MET: variants seen among roughly 807,000 people sequenced by gnomAD.
MET encodes MET proto-oncogene, receptor tyrosine kinase.
Under a neutral mutation model 133.1 loss-of-function variants are expected in MET, and 48 were observed. The ratio of observed to expected loss-of-function variants is 0.36; its 90% CI spans 0.29 to 0.46. The LOEUF (loss-of-function observed/expected upper bound fraction) is 0.46. MET is among the 20% of genes least tolerant of loss of function. The probability of loss-of-function intolerance (pLI) is 1.00; values close to 1 mark genes in which losing one functional copy is unlikely to be tolerated. For missense variants in MET, 1,442 were observed against 1,695.9 expected (o/e 0.85, Z 2.63); for synonymous variants, 628 against 616.5 (o/e 1.02, Z -0.28).
At chr7:116,678,074 T>G (rs959238978) in intron 1 of MET, among the ~76,000 whole-genome samples, 2 of 152,154 alleles carry the variant, frequency 1.3e-5, no homozygotes, top group South Asian at 4.1e-4. Context: ...AAACATGCAC[T>G]GCCCTCCTGG....
chr7:116,761,849 A>AT (rs1794410464), intron 10 of MET, among the ~76,000 whole-genome samples: 3 of 152,098 alleles, frequency 2.0e-5, no homozygotes, highest in Admixed American at 2.0e-4. Context: ...TTTTTAAATG[A>AT]TTTTTTAAAG....
chr7:116,683,377 A>G (rs1407538714), intron 1 of MET, among the ~76,000 whole-genome samples: 1 of 152,214 alleles, frequency 6.6e-6, no homozygotes, highest in Admixed American at 6.5e-5. Context: ...ATGTTTCTGC[A>G]AAAGACAGAA....
chr7:116,691,684 T>C (rs1308335923), intron 1 of MET, among the ~76,000 whole-genome samples: 1 of 152,174 alleles, frequency 6.6e-6, no homozygotes, highest in Non-Finnish European at 1.5e-5. Flanking sequence ...GCTGGCTTTC[T>C]CCACATAGTG....
chr7:116,715,677 A>G (rs1300895037), intron 2 of MET, among the ~76,000 whole-genome samples: 1 of 152,206 alleles, frequency 6.6e-6, no homozygotes, highest in African/African-American at 2.4e-5. Flanking sequence ...GCCTCAAAAC[A>G]AATCTGTTAT....
chr7:116,783,816 T>C lies in MET; in HGVS notation c.3798+347T>C, dbSNP rs1013744219. Among the ~76,000 whole-genome samples the C allele has an allele frequency of 3.3e-5, 5 of 152,214 alleles. No individual in the cohort carries two copies. The South Asian group carries it at 1.0e-3, about 31-fold the overall frequency. ...GGCCTGGAATGGGCCCTGATTCTCA[T>C]AGCCCCAGGCGAGCAAGAATTCCAC... On this transcript the variant is annotated intron_variant, in intron 19 of 20. Transcript: ENST00000397752.
chr7:116,753,574 G>A (rs2116895354), intron 5 of MET, among the ~76,000 whole-genome samples: 1 of 152,158 alleles, frequency 6.6e-6, no homozygotes, highest in African/African-American at 2.4e-5. Flanking sequence ...AAATGAGTCT[G>A]TTATTTGCTT....
chr7:116,765,644 G>A (rs773365033), intron 11 of MET, among the ~76,000 whole-genome samples: 5 of 152,134 alleles, frequency 3.3e-5, no homozygotes, highest in Admixed American at 6.5e-5. Context: ...AAGAGCAGTC[G>A]TAGACAGTGG....
At position 116,722,244 on chromosome 7, in the gene MET, C is replaced by CT. The variant is rs962339536; in HGVS notation, c.1201-9422dup. 2.0e-3 allele frequency among the ~76,000 whole-genome samples: 306 copies of CT among 150,472 alleles called. 2 individuals are homozygous for CT. Among genetic ancestry groups the CT allele is most frequent in the Non-Finnish European group, 3.4e-3 (228 of 66,884 alleles). ...GATCCCTTTACCATTATGTAATGGC[C>CT]TTGTCTCTTTTGATCTTTGTTGGTT... is the stretch of plus-strand genomic sequence containing the variant. On this transcript the variant is annotated intron_variant, in intron 2 of 20. Transcript: ENST00000397752.
At chr7:116,764,313 T>G (rs963192588) in intron 11 of MET, among the ~76,000 whole-genome samples, 2 of 152,204 alleles carry the variant, frequency 1.3e-5, no homozygotes, top group African/African-American at 4.8e-5. Context: ...ATGAACAGTG[T>G]GTTTACAAAA....
At chr7:116,781,882 T>A in intron 17 of MET, 106 bp from the exon 18 acceptor site, 1 of 823,656 alleles carries the variant, frequency 1.2e-6, no homozygotes, top group Admixed American at 2.1e-5. Flanking sequence ...CCAAACTAAT[T>A]TTTGAGACAA....
At chr7:116,751,463 C>A (rs551488643) in intron 5 of MET, among the ~76,000 whole-genome samples, 32 of 152,148 alleles carry the variant, frequency 2.1e-4, no homozygotes, top group African/African-American at 7.5e-4. Context: ...AGGAGAAATA[C>A]CTAATGTAGA....
At chr7:116,721,505 G>A (rs1439703750) in intron 2 of MET, among the ~76,000 whole-genome samples, 1 of 152,110 alleles carries the variant, frequency 6.6e-6, no homozygotes, top group East Asian at 1.9e-4. Flanking sequence ...CTCTGATTTA[G>A]TTATTTCTTG....
intron 3 of MET, among the ~76,000 whole-genome samples, chr7:116,736,504 A>G (rs1793215739): frequency 6.6e-6 from 1 of 152,094 alleles, no homozygotes; most frequent in Non-Finnish European, 1.5e-5. Flanking sequence ...TAAAGATAAA[A>G]CTGTATATGG....
At chr7:116,793,472 G>A (rs1474905647) in intron 19 of MET, among the ~76,000 whole-genome samples, 3 of 151,390 alleles carry the variant, frequency 2.0e-5, no homozygotes, top group African/African-American at 7.3e-5. Context: ...ACCTTGTCCC[G>A]TCCTGTCTAA....
rs1398648043 is a variant in MET at position 116,758,559 on chromosome 7, A to G, written c.2203A>G (p.Ile735Val). ...TGACTTAGCCAACCGAGAGACAAGC[A>G]TCTTCAGTTACCGTGAAGATCCCAT... ...KIDLANRETS[I>V]FSYREDPIVY... is the part of the protein sequence containing the mutation. Residue 735 changes from isoleucine (I) to valine (V), a missense_variant, in exon 9 of 21, where the codon ATC (isoleucine) becomes GTC (valine). Transcript: ENST00000397752. The G allele has an allele frequency of 6.2e-7, 1 of 1,613,920 alleles. No homozygotes were observed. The highest frequency in any genetic ancestry group is 1.3e-5 in the African/African-American group (1 of 75,042).
chr7:116,796,838 C>T lies in MET; in HGVS notation c.*714C>T, dbSNP rs974669584. 1.7e-5 allele frequency: 3 copies of T among 178,382 alleles called. No individual in the cohort carries two copies. Among genetic ancestry groups the T allele is most frequent in the African/African-American group, 7.1e-5 (3 of 42,238 alleles). 11.0% of individuals were successfully genotyped at this position (178,382 alleles called of 1,614,324 possible). ...TTTGCCATGTTGCCAAGGCTGGTTT[C>T]AAACTCCTGGACTCAAGAAATCCAC... On this transcript the variant is annotated 3_prime_UTR_variant, in exon 21 of 21. Transcript: ENST00000397752.
intron 14 of MET, among the ~76,000 whole-genome samples, chr7:116,773,429 C>A (rs923953189): frequency 6.6e-6 from 1 of 152,168 alleles, no homozygotes; most frequent in African/African-American, 2.4e-5. Context: ...CGTTTTCATG[C>A]CAAAGGGCTT....
chr7:116,754,983 G>GGAAAGAAAGAAAAAAAGAAA lies in MET; in HGVS notation c.1702-360_1702-359insAAAAGAAAGAAAGAAAGAAA. ...AAAGAGAAGGAAGGAAGCAGAGAAA[G>GGAAAGAAAGAAAAAAAGAAA]GAAAGAAAGAAAGAAAGAAAGAAAG... On this transcript the variant is annotated intron_variant, in intron 5 of 20. Transcript: ENST00000397752. 3.8e-5 allele frequency among the ~76,000 whole-genome samples: 3 copies of GGAAAGAAAGAAAAAAAGAAA among 78,694 alleles called. No individual in the cohort carries two copies. The South Asian group carries it at 1.7e-3, about 44-fold the overall frequency. 51.6% of individuals were successfully genotyped at this position (78,694 alleles called of 152,430 possible). A position where few individuals can be genotyped will look rare whatever the true frequency, so the allele number is the denominator to read the frequency against.
intron 14 of MET, among the ~76,000 whole-genome samples, chr7:116,773,583 G>A (rs898856273): frequency 1.2e-4 from 18 of 152,162 alleles, no homozygotes; most frequent in Non-Finnish European, 2.6e-4. Context: ...ATCCCCTGGG[G>A]AAGGTTTAGA....
Sources: gnomAD v4.1 joint callset for allele counts (sites outside exome capture counted in the v4.1 genomes callset) on GRCh38, gnomAD v4.1.1 for gene constraint, MANE v1.5 for transcripts, NCBI Gene and HGNC (gene_info 2026-07-23, HGNC 2026-07-21) for gene names.